TCTN1: variants seen among roughly 807,000 people sequenced by gnomAD.
TCTN1 encodes tectonic-1.
TCTN1 carries 58 observed loss-of-function variants against 65.8 expected under a neutral mutation model. The ratio of observed to expected loss-of-function variants is 0.88; its 90% CI spans 0.71 to 1.10. The LOEUF (loss-of-function observed/expected upper bound fraction) is 1.10. Among genes scored for constraint, TCTN1 ranks in the 50% least tolerant of loss-of-function variants. The pLI is 0.00. For synonymous variants in TCTN1, 273 were observed against 289.1 expected (o/e 0.94, Z 0.57); for missense variants, 645 against 719.4 (o/e 0.90, Z 1.18).
Position 110,634,661 on chromosome 12 carries a change from G to T in TCTN1, c.713-9G>T, listed in dbSNP as rs201293727. On this transcript the variant is annotated splice_polypyrimidine_tract_variant and intron_variant, in intron 5 of 14. Coordinates refer to ENST00000397659, the MANE Select transcript of TCTN1 (RefSeq NM_001082538.3). ...TTTTTTTTTCCTTGGGAATGTTAATGATTTCTAGCGTTTCTGGTGAACCAG... is the reference window on the plus strand; with the variant it reads ...TTTTTTTTTCCTTGGGAATGTTAATTATTTCTAGCGTTTCTGGTGAACCAG... 166 of 1,590,704 alleles carry T rather than the reference G, an allele frequency of 1.0e-4. 1 individual carries two copies. The Middle Eastern group carries it at 1.2e-3, about 11-fold the overall frequency.
chr12:110,649,167 A>ACAACT lies in TCTN1; in HGVS notation c.*126_*127insCAACT, dbSNP rs757517445. 5.9e-6 allele frequency: 4 copies of ACAACT among 683,332 alleles called. No homozygotes were observed. The South Asian group carries it at 6.3e-5, about 11-fold the overall frequency. The allele number at this position is 683,332 out of a possible 1,614,324, so 42.3% of individuals were successfully genotyped here. A position where few individuals can be genotyped will look rare whatever the true frequency, so the allele number is the denominator to read the frequency against. ...TGTTGCTCATTTTCAATTAAGGCTA[A>ACAACT]AGTGTTCAACATGAGAAAATGTGAT... On this transcript the variant is annotated 3_prime_UTR_variant, in exon 15 of 15. Transcript: ENST00000397659.
chr12:110,631,399 C>T (rs976569318), intron 4 of TCTN1, among the ~76,000 whole-genome samples: 3 of 151,474 alleles, frequency 2.0e-5, no homozygotes, highest in African/African-American at 4.8e-5. Context: ...TTTGGGAGGC[C>T]GAGGCGGGCA....
intron 3 of TCTN1, 49 bp from the exon 4 acceptor site, chr12:110,628,718 A>G (rs372822928): frequency 6.8e-7 from 1 of 1,461,750 alleles, no homozygotes; most frequent in Admixed American, 1.8e-5. Flanking sequence ...CATACATATT[A>G]TACATATATT....
rs751036661 is a variant in TCTN1, at chr12:110,642,329, T to C, written c.1271T>C (p.Leu424Pro). The change falls in exon 11 of 15, where the codon CTG becomes CCG. Residue 424 changes from leucine (L) to proline (P), a missense_variant. Physicochemically the swap from Leu to Pro is moderately conservative, Grantham distance 98 (BLOSUM62 -3). Coordinates refer to ENST00000397659, the MANE Select transcript of TCTN1 (RefSeq NM_001082538.3). ...ACAACTGAGCAAGACTGCTTAGCAC[T>C]GGAGGGGGTCCGGACCCCAGTATTA... The part of the protein sequence containing the change: ...HSTTEQDCLA[L>P]EGVRTPVLFG... The C allele has an allele frequency of 7.4e-6, 12 of 1,614,072 alleles. No homozygotes were observed. In the East Asian group the frequency reaches 2.7e-4, roughly 36 times the overall value.
At chr12:110,616,860 C>T (rs1213560266) in intron 1 of TCTN1, 3 of 152,312 alleles carry the variant, frequency 2.0e-5, no homozygotes, top group Non-Finnish European at 4.4e-5. Flanking sequence ...AACCCTTCAT[C>T]TTGAATCTGG....
intron 7 of TCTN1, among the ~76,000 whole-genome samples, chr12:110,638,566 T>C (rs2066737619): frequency 6.6e-6 from 1 of 152,110 alleles, no homozygotes; most frequent in African/African-American, 2.4e-5. Flanking sequence ...GGTTTGGGAA[T>C]GGTATGTGGT....
intron 1 of TCTN1, among the ~76,000 whole-genome samples, chr12:110,615,432 G>A (rs1293633167): frequency 6.6e-6 from 1 of 152,170 alleles, no homozygotes. Flanking sequence ...TTCCGATTGT[G>A]TGAATTGAGA....
At position 110,619,861 on chromosome 12, in the gene TCTN1, A is replaced by G. The variant is rs2065293825; in HGVS notation, c.246A>G (p.Leu82=). The part of the protein sequence containing the change: ...TDVAVLCVCD[L]SPAQCDINCC... ...TTGCTGTTCTCTGTGTCTGTGACTTATCCCCAGCACAGTGTGACATCAACT... is the reference window on the plus strand; with the variant it reads ...TTGCTGTTCTCTGTGTCTGTGACTTGTCCCCAGCACAGTGTGACATCAACT... Residue 82 remains leucine, a synonymous_variant, in exon 2 of 15, where the codon TTA becomes TTG. Coordinates refer to ENST00000397659, the MANE Select transcript of TCTN1 (RefSeq NM_001082538.3). The G allele has an allele frequency of 1.5e-5, 24 of 1,613,916 alleles. No individual in the cohort carries two copies. The highest frequency in any genetic ancestry group is 2.0e-5 in the Non-Finnish European group (24 of 1,179,878).
At chr12:110,620,373 A>C (rs1593228771) in intron 2 of TCTN1, among the ~76,000 whole-genome samples, 1 of 151,662 alleles carries the variant, frequency 6.6e-6, no homozygotes. Context: ...GCGCTACTGC[A>C]CTCTAGCCTG....
intron 5 of TCTN1, among the ~76,000 whole-genome samples, chr12:110,634,034 A>G (rs2066397180): frequency 6.6e-6 from 1 of 152,246 alleles, no homozygotes; most frequent in Non-Finnish European, 1.5e-5. Context: ...AATACTAATT[A>G]TCCCCAAGAA....
intron 4 of TCTN1, 176 bp downstream of exon 4, chr12:110,629,094 T>G (rs2066051647): frequency 1.3e-6 from 1 of 744,340 alleles, no homozygotes; most frequent in Non-Finnish European, 2.2e-6. Context: ...ACTGAATATT[T>G]GAAGATGGAT....
At chr12:110,620,005 A>T (rs745905745) in intron 2 of TCTN1, 49 bp downstream of exon 2, 13 of 1,613,796 alleles carry the variant, frequency 8.1e-6, no homozygotes, top group Non-Finnish European at 5.1e-6. Context: ...TGACCAGGAT[A>T]ATACAATTTG....
intron 1 of TCTN1, among the ~76,000 whole-genome samples, chr12:110,617,596 G>A (rs550219014): frequency 6.6e-6 from 1 of 151,670 alleles, no homozygotes; most frequent in East Asian, 1.9e-4. Flanking sequence ...CAGAGTGCTA[G>A]GATACAGGCG....
intron 2 of TCTN1, among the ~76,000 whole-genome samples, chr12:110,620,810 C>CTTTT (rs1216049794): frequency 3.0e-5 from 4 of 133,326 alleles, no homozygotes; most frequent in Admixed American, 7.6e-5. Context: ...TTCAAGGCTT[C>CTTTT]TTTTTTTTTT....
At chr12:110,628,372 ACTGTGTC>A in intron 3 of TCTN1, 1 of 862,628 alleles carries the variant, frequency 1.2e-6, no homozygotes, top group Non-Finnish European at 1.7e-6. Context: ...ATGAAGTCTC[ACTGTGTC>A]ACCCAGGCTG....
At chr12:110,634,884 C>A in intron 6 of TCTN1, 105 bp downstream of exon 6, 1 of 829,660 alleles carries the variant, frequency 1.2e-6, no homozygotes, top group Non-Finnish European at 2.0e-6. Context: ...ATGATTGACA[C>A]TCGAGTTTAA....
chr12:110,645,625 C>T (rs765307858), intron 12 of TCTN1: 5 of 183,704 alleles, frequency 2.7e-5, no homozygotes, highest in Non-Finnish European at 5.8e-5. Flanking sequence ...ACACAGGCAG[C>T]CCACACCTGA....
chr12:110,646,943 T>C (rs2067353910), intron 12 of TCTN1: 2 of 484,616 alleles, frequency 4.1e-6, no homozygotes, highest in Non-Finnish European at 7.5e-6. Flanking sequence ...ACTACCGCAG[T>C]TTCAGGTGAT....
At chr12:110,641,303 A>G (rs1438142366) in intron 9 of TCTN1, among the ~76,000 whole-genome samples, 154 bp downstream of exon 9, 1 of 152,240 alleles carries the variant, frequency 6.6e-6, no homozygotes, top group Non-Finnish European at 1.5e-5. Flanking sequence ...AATGAAACCA[A>G]GCATTCTCCT....
Sources: allele counts gnomAD v4.1 joint callset (sites outside exome capture counted in the v4.1 genomes callset), GRCh38; gene constraint gnomAD v4.1.1; transcripts MANE v1.5; gene names NCBI Gene and HGNC (gene_info 2026-07-23, HGNC 2026-07-21).